ELF4: variants seen among roughly 807,000 people sequenced by gnomAD.
The protein encoded by ELF4 is E74 like ETS transcription factor 4, also known as ETS-related transcription factor Elf-4.
In ELF4, 10 loss-of-function variants were observed where a neutral mutation model predicts 31.7. The observed-to-expected ratio is 0.32, with a 90% confidence interval of 0.19 to 0.54. The LOEUF (loss-of-function observed/expected upper bound fraction) is 0.54. ELF4 is among the 20% of genes least tolerant of loss of function. The pLI is 0.95. For synonymous variants in ELF4, 208 were observed against 226.7 expected, an observed-to-expected ratio of 0.92 and a Z score of 0.74; for missense variants, 418 against 522.0, an observed-to-expected ratio of 0.80 and a Z score of 1.94.
intron 1 of ELF4, among the ~76,000 whole-genome samples, chrX:130,082,364 G>T (rs1229890618): frequency 4.5e-5 from 5 of 111,601 alleles, no homozygotes; most frequent in Non-Finnish European, 9.4e-5. Context: ...CAGAGAGCGT[G>T]GCCTCTGTGC....
chrX:130,092,865 G>T (rs1483151583), intron 1 of ELF4, among the ~76,000 whole-genome samples: 1 of 110,758 alleles, frequency 9.0e-6, no homozygotes. Context: ...TTGTCCCCTG[G>T]CATACTTGGG....
chrX:130,095,036 G>A (rs1438400369), intron 1 of ELF4, among the ~76,000 whole-genome samples: 2 of 111,752 alleles, frequency 1.8e-5, no homozygotes, highest in Admixed American at 9.5e-5. Flanking sequence ...GCAGTGGGGC[G>A]TGGGTGCTTG....
At chrX:130,108,006 C>T (rs1401269012) in intron 1 of ELF4, among the ~76,000 whole-genome samples, 1 of 111,860 alleles carries the variant, frequency 8.9e-6, no homozygotes, top group East Asian at 2.8e-4. Flanking sequence ...GTCAGGAGTT[C>T]GAGGCCAGCC....
chrX:130,067,425 T>C lies in ELF4; in HGVS notation c.1288A>G (p.Asn430Asp). 2 of 1,211,792 alleles carry C rather than the reference T, an allele frequency of 1.7e-6. No individual in the cohort carries two copies. The highest frequency in any genetic ancestry group is 5.9e-5 in the East Asian group (2 of 33,812). The change falls in exon 9 of 9, where the codon AAT (asparagine) becomes GAT (aspartate). Residue 430 changes from asparagine to aspartate, a missense_variant. Asn to Asp is a conservative substitution (Grantham distance 23). This residue lies in a region of ELF4 where 260 missense variants were observed against 269.2 expected (regional missense o/e 0.97). Coordinates refer to ENST00000308167, the MANE Select transcript of ELF4 (RefSeq NM_001421.4). ...GCAGTAGTACTGGCAGGAGGCCCAT[T>C]GGTCAGCACCGTGGTCAGTGGGATC... is the stretch of plus-strand genomic sequence containing the variant. ...QTIPLTTVLT[N>D]GPPASTTAPT...
chrX:130,094,651 A>G (rs1399728450), intron 1 of ELF4, among the ~76,000 whole-genome samples: 1 of 110,229 alleles, frequency 9.1e-6, no homozygotes, highest in African/African-American at 3.3e-5. Context: ...GACAAAGAGG[A>G]ACCAGTTCCC....
intron 8 of ELF4, among the ~76,000 whole-genome samples, 173 bp downstream of exon 8, chrX:130,069,127 G>A (rs746410061): frequency 9.1e-6 from 1 of 110,291 alleles, no homozygotes; most frequent in East Asian, 2.8e-4. Context: ...GGGAGGCTGA[G>A]GCAGGAGAAT....
intron 1 of ELF4, among the ~76,000 whole-genome samples, chrX:130,098,011 A>G (rs909087389): frequency 9.0e-6 from 1 of 111,649 alleles, no homozygotes; most frequent in Non-Finnish European, 1.9e-5. Context: ...TCTGGGCCTC[A>G]CCCAGCCGGC....
At chrX:130,084,110 G>A (rs1389377647) in intron 1 of ELF4, among the ~76,000 whole-genome samples, 4 of 112,509 alleles carry the variant, frequency 3.6e-5, no homozygotes, top group African/African-American at 1.3e-4. Flanking sequence ...TGCAGGGTGT[G>A]TGCATGTGTC....
At chrX:130,110,538 G>A (rs1296154399), upstream of ELF4, 2 of 107,952 alleles carry the variant, frequency 1.9e-5, no homozygotes, top group Non-Finnish European at 3.9e-5. Flanking sequence ...CGCGGCCGCC[G>A]GGGCCGCCGT....
At chrX:130,090,382 AAAGAAG>A (rs1236976889) in intron 1 of ELF4, among the ~76,000 whole-genome samples, 9 of 109,520 alleles carry the variant, frequency 8.2e-5, no homozygotes, top group African/African-American at 2.3e-4. Context: ...CAAAAAAAAA[AAAGAAG>A]AAGAAGAAGA....
chrX:130,084,567 T>G (rs1408768706), intron 1 of ELF4, among the ~76,000 whole-genome samples: 1 of 111,721 alleles, frequency 9.0e-6, no homozygotes, highest in African/African-American at 3.3e-5. Flanking sequence ...CTCGGGATTG[T>G]GAGGTATTGT....
At chrX:130,089,392 C>G (rs1350525306) in intron 1 of ELF4, among the ~76,000 whole-genome samples, 1 of 105,446 alleles carries the variant, frequency 9.5e-6, no homozygotes, top group Non-Finnish European at 1.9e-5. Flanking sequence ...GCCTGTAGTC[C>G]CAGCTACTCA....
In ELF4 at chrX:130,067,236, C is replaced by T. The variant is rs1344051914; in HGVS notation, c.1477G>A (p.Ala493Thr). ...GGCGCCGGGTTGGTCGGACGGTTGG[C>T]CCCAGCCAGAAGTTGGGGGAGGCCA... ...LSGLPQLLAG[A>T]NRPTNPAPPT... Residue 493 changes from alanine (A) to threonine (T), a missense_variant, in exon 9 of 9, where the codon GCC (alanine) becomes ACC (threonine). Physicochemically the swap from Ala to Thr is moderately conservative, Grantham distance 58 (BLOSUM62 0). Coordinates refer to ENST00000308167, the MANE Select transcript of ELF4 (RefSeq NM_001421.4). 8.3e-7 allele frequency: 1 copy of T among 1,211,976 alleles called. No individual in the cohort carries two copies.
chrX:130,095,676 C>T, intron 1 of ELF4, among the ~76,000 whole-genome samples: 1 of 111,662 alleles, frequency 9.0e-6, no homozygotes, highest in African/African-American at 3.3e-5. Context: ...TGGCCAGCTG[C>T]GGAGAAGGAG....
intron 1 of ELF4, among the ~76,000 whole-genome samples, chrX:130,085,778 G>A (rs1378596769): frequency 9.0e-6 from 1 of 111,263 alleles, no homozygotes. Context: ...CTCTGGAAAG[G>A]AAGTGACAAT....
intron 1 of ELF4, among the ~76,000 whole-genome samples, chrX:130,109,647 G>A (rs1002717751): frequency 8.9e-6 from 1 of 111,903 alleles, no homozygotes; most frequent in Non-Finnish European, 1.9e-5. Context: ...GAGGAGCCAG[G>A]AATTCATAAA....
In ELF4 at chrX:130,101,692, G is replaced by A. The variant is rs181421575; in HGVS notation, c.-210+8633C>T. Among the ~76,000 whole-genome samples, 227 of 110,313 alleles carry A rather than the reference G, an allele frequency of 2.1e-3. 1 individual carries two copies. The highest frequency in any genetic ancestry group is 3.8e-3 in the Admixed American group (39 of 10,234). Reference sequence around the variant, plus strand: ...TGTAATCCCAGGTACTCGGGAGGTCGGGAGGCTGAGGCAGGAGAATCGCTT... The same window carrying A: ...TGTAATCCCAGGTACTCGGGAGGTCAGGAGGCTGAGGCAGGAGAATCGCTT... On this transcript the variant is annotated intron_variant, in intron 1 of 8. Transcript: ENST00000308167.
rs143991354 is a variant in ELF4 at position 130,100,916 on chromosome X, C to G, written c.-210+9409G>C. The stretch of plus-strand genomic sequence containing the variant: ...CAGGTCCTGATAGATCTTAGGGCTA[C>G]AGACTAGGGGTAAGGTAGCCATAGA... On this transcript the variant is annotated intron_variant, in intron 1 of 8. Coordinates refer to ENST00000308167, the MANE Select transcript of ELF4 (RefSeq NM_001421.4). Among the ~76,000 whole-genome samples the G allele has an allele frequency of 2.9e-3, 321 of 112,284 alleles. 1 individual carries two copies. The highest frequency in any genetic ancestry group is 4.6e-3 in the Middle Eastern group (1 of 216).
intron 1 of ELF4, among the ~76,000 whole-genome samples, chrX:130,100,540 C>A (rs1406258349): frequency 9.0e-6 from 1 of 111,704 alleles, no homozygotes; most frequent in East Asian, 2.8e-4. Context: ...TCAGGCCTGC[C>A]ATGCCTTTGC....
Sources: allele counts gnomAD v4.1 joint callset (sites outside exome capture counted in the v4.1 genomes callset), GRCh38; gene constraint gnomAD v4.1.1; regional missense constraint gnomAD v4.1.1; transcripts MANE v1.5; gene names NCBI Gene and HGNC (gene_info 2026-07-23, HGNC 2026-07-21).